The following MRPS35 variants were observed in gnomAD, a reference collection of about 807,000 sequenced individuals.
MRPS35 encodes the protein mitochondrial ribosomal protein S35, also known as small ribosomal subunit protein mS35.
Under a neutral mutation model 32.7 loss-of-function variants are expected in MRPS35, and 29 were observed. The ratio of observed to expected loss-of-function variants is 0.89; its 90% confidence interval spans 0.66 to 1.21. The LOEUF (loss-of-function observed/expected upper bound fraction) is 1.21. MRPS35 is among the 50% of genes most tolerant of loss of function. MRPS35 has a pLI of 0.00. For synonymous variants in MRPS35, 148 were observed against 139.3 expected, an observed-to-expected ratio of 1.06 and a Z score of -0.44; for missense variants, 373 against 383.8, an observed-to-expected ratio of 0.97 and a Z score of 0.23.
rs2061852195 is a variant in MRPS35, at chr12:27,716,587, T to C, written c.321+129T>C. 7 of 815,168 alleles carry C rather than the reference T, an allele frequency of 8.6e-6. No individual in the cohort carries two copies. The Admixed American group carries it at 8.9e-5, about 10-fold the overall frequency. 50.5% of individuals were successfully genotyped at this position (815,168 alleles called of 1,614,324 possible). ...GCTTAGTGTATTTTAATTTAAATGT[T>C]AAAAATAATATAATAGGTTTATTAT... On this transcript the variant is annotated intron_variant, in intron 3 of 7. Transcript: ENST00000081029.
intron 1 of MRPS35, among the ~76,000 whole-genome samples, chr12:27,714,397 C>A (rs1046286398): frequency 2.0e-5 from 3 of 151,980 alleles, no homozygotes; most frequent in Non-Finnish European, 4.4e-5. Flanking sequence ...ACCAGCCTGG[C>A]CAACATGGTG....
At position 27,737,569 on chromosome 12, in the gene MRPS35, T is replaced by C. The variant is rs1425879351; in HGVS notation, c.663T>C (p.Tyr221=). The change falls in exon 7 of 8, where the codon TAT becomes TAC. Residue 221 remains tyrosine (Y), a synonymous_variant. Transcript: ENST00000081029. ...RCPLRRQNYD[Y]AVYLLTVLYH... is the part of the protein sequence containing the mutation. ...CTTTAAGGAGGCAGAATTACGATTATGCAGTGTATCTACTAACAGTGTTAT... is the reference window on the plus strand; with the variant it reads ...CTTTAAGGAGGCAGAATTACGATTACGCAGTGTATCTACTAACAGTGTTAT... 1 of 1,612,312 alleles carries C rather than the reference T, an allele frequency of 6.2e-7. No homozygotes were observed. The highest frequency in any genetic ancestry group is 1.7e-5 in the Admixed American group (1 of 59,992).
Position 27,755,251 on chromosome 12 carries a change from C to A in MRPS35, c.773C>A (p.Ser258Ter), listed in dbSNP as rs1309235212. Residue 258 changes from serine to a stop codon, truncating the protein, a stop_gained, in exon 8 of 8, where the codon TCA becomes TAA. Transcript: ENST00000081029. LOFTEE classifies it low-confidence loss of function (END_TRUNC). Reference sequence around the variant, plus strand: ...GAGTATATATGGGAAAATAGCTCATCAGAAAGAAATATCCTGGAAACGCTT... The same window carrying A: ...GAGTATATATGGGAAAATAGCTCATAAGAAAGAAATATCCTGGAAACGCTT... ...MEEYIWENSS[S>*]ERNILETLLQ... The A allele has an allele frequency of 6.2e-7, 1 of 1,610,692 alleles. No homozygotes were observed. The highest frequency in any genetic ancestry group is 1.7e-5 in the Admixed American group (1 of 59,442).
rs35475802 is a variant in MRPS35, at chr12:27,710,859, C to T, written c.16C>T (p.Leu6Phe). Residue 6 changes from leucine (L) to phenylalanine (F), a missense_variant, in exon 1 of 8, where the codon CTC (leucine) becomes TTC (phenylalanine). Physicochemically the swap from Leu to Phe is conservative, Grantham distance 22 (BLOSUM62 0). Transcript: ENST00000081029. MAAAA[L>F]PAWLSLQSRA... ...CCTCGCAGCCATGGCGGCCGCCGCG[C>T]TCCCAGCATGGCTGTCTCTGCAGTC... 8 of 1,608,468 alleles carry T rather than the reference C, an allele frequency of 5.0e-6. No homozygotes were observed. The highest frequency in any genetic ancestry group is 4.0e-5 in the African/African-American group (3 of 74,882).
intron 5 of MRPS35, among the ~76,000 whole-genome samples, chr12:27,729,495 T>C (rs1343380144): frequency 6.6e-6 from 1 of 152,152 alleles, no homozygotes; most frequent in African/African-American, 2.4e-5. Context: ...CCTTATGCTG[T>C]TGCATACTTT....
chr12:27,754,765 CAAAAAAAAA>C (rs149548847), intron 7 of MRPS35, among the ~76,000 whole-genome samples: 2 of 103,534 alleles, frequency 1.9e-5, no homozygotes, highest in African/African-American at 3.8e-5. Flanking sequence ...AGACCCATCT[CAAAAAAAAA>C]AAAAAAAAAA....
intron 2 of MRPS35, 111 bp from the exon 3 acceptor site, chr12:27,716,180 A>G (rs1434797444): frequency 9.6e-7 from 1 of 1,042,932 alleles, no homozygotes; most frequent in Admixed American, 3.2e-5. Context: ...CATATGTTGC[A>G]ATTTTGCTTC....
intron 3 of MRPS35, among the ~76,000 whole-genome samples, chr12:27,719,078 C>A (rs1303078268): frequency 6.6e-6 from 1 of 152,050 alleles, no homozygotes; most frequent in East Asian, 1.9e-4. Context: ...CAGAGCGAGA[C>A]CCTGTCTCAG....
chr12:27,716,360 C>T lies in MRPS35; in HGVS notation c.223C>T (p.Pro75Ser), dbSNP rs1372861780. ...GCCTAGTGTTTACCCAGTTGCAGCA[C>T]CATTTAAACCCTCTGCAGTACCTCT... ...DWPSVYPVAAPFKPSAVPLPV... is the reference protein window; with the variant it reads ...DWPSVYPVAASFKPSAVPLPV... The change falls in exon 3 of 8, where the codon CCA becomes TCA. Residue 75 changes from proline (P) to serine (S), a missense_variant. Coordinates refer to ENST00000081029, the MANE Select transcript of MRPS35 (RefSeq NM_021821.4). The T allele has an allele frequency of 1.9e-6, 3 of 1,614,128 alleles. No homozygotes were observed. Among genetic ancestry groups the T allele is most frequent in the South Asian group, 1.1e-5 (1 of 91,090 alleles).
chr12:27,716,191 T>C, intron 2 of MRPS35, 100 bp from the exon 3 acceptor site: 1 of 1,200,610 alleles, frequency 8.3e-7, no homozygotes, highest in East Asian at 2.7e-5. Flanking sequence ...ATTTTGCTTC[T>C]ATTTCTTGTA....
At chr12:27,728,573 C>T (rs2061909258) in intron 5 of MRPS35, among the ~76,000 whole-genome samples, 2 of 152,200 alleles carry the variant, frequency 1.3e-5, no homozygotes, top group Non-Finnish European at 2.9e-5. Context: ...AATATCTACT[C>T]CACATTATAT....
chr12:27,717,495 T>C (rs1451616390), intron 3 of MRPS35, among the ~76,000 whole-genome samples: 1 of 152,170 alleles, frequency 6.6e-6, no homozygotes, highest in African/African-American at 2.4e-5. Flanking sequence ...TTAAATACAA[T>C]GAAAGTTATA....
intron 1 of MRPS35, among the ~76,000 whole-genome samples, chr12:27,713,997 C>G (rs1170451200): frequency 1.3e-5 from 2 of 150,676 alleles, no homozygotes; most frequent in East Asian, 3.9e-4. Flanking sequence ...TTGGCTTGAA[C>G]CTGGTAGTTC....
At chr12:27,749,317 A>C (rs1267850864) in intron 7 of MRPS35, among the ~76,000 whole-genome samples, 1 of 147,572 alleles carries the variant, frequency 6.8e-6, no homozygotes, top group Non-Finnish European at 1.5e-5. Context: ...TAAAAGTGTT[A>C]AGGAAACTTA....
intron 7 of MRPS35, among the ~76,000 whole-genome samples, chr12:27,746,355 C>T (rs1339894053): frequency 6.6e-6 from 1 of 152,064 alleles, no homozygotes; most frequent in Non-Finnish European, 1.5e-5. Flanking sequence ...CTCAAAAGAG[C>T]GTTTCACATT....
At chr12:27,721,643 G>A (rs1429766531) in intron 4 of MRPS35, among the ~76,000 whole-genome samples, 2 of 152,094 alleles carry the variant, frequency 1.3e-5, no homozygotes, top group Non-Finnish European at 2.9e-5. Flanking sequence ...GTAACAAAGT[G>A]AGATCCTGTC....
Position 27,713,855 on chromosome 12 carries a change from AG to A in MRPS35, c.113-923del, listed in dbSNP as rs1416790071. Among the ~76,000 whole-genome samples, 3 of 152,258 alleles carry A rather than the reference AG, an allele frequency of 2.0e-5. No homozygotes were observed. The East Asian group carries it at 5.8e-4, about 29-fold the overall frequency. On this transcript the variant is annotated intron_variant, in intron 1 of 7. Coordinates refer to ENST00000081029, the MANE Select transcript of MRPS35 (RefSeq NM_021821.4). ...GTAATCCCAGCACTTTGGGAGGCTG[AG>A]GTGGGTGGATCGCTGGAGCTCAAGA...
At chr12:27,737,397 T>C in intron 6 of MRPS35, 142 bp from the exon 7 acceptor site, 3 of 660,828 alleles carry the variant, frequency 4.5e-6, no homozygotes, top group Non-Finnish European at 8.0e-6. Flanking sequence ...AAGACTATTT[T>C]TATTCCAAAA....
At chr12:27,752,266 C>G (rs967184255) in intron 7 of MRPS35, among the ~76,000 whole-genome samples, 2 of 152,052 alleles carry the variant, frequency 1.3e-5, no homozygotes, top group Non-Finnish European at 2.9e-5. Context: ...GTATTCGAGG[C>G]TCACCTGGCT....
Sources: gnomAD v4.1 joint callset for allele counts (sites outside exome capture counted in the v4.1 genomes callset) on GRCh38, gnomAD v4.1.1 for gene constraint, MANE v1.5 for transcripts, NCBI Gene and HGNC (gene_info 2026-07-23, HGNC 2026-07-21) for gene names.